TTC23: variants seen among roughly 807,000 people sequenced by gnomAD.
TTC23 encodes tetratricopeptide repeat domain 23, also known as tetratricopeptide repeat protein 23.
Under a neutral mutation model 55.1 loss-of-function variants are expected in TTC23, and 58 were observed. The observed-to-expected ratio is 1.05, with a 90% confidence interval of 0.85 to 1.31. TTC23 has a LOEUF of 1.31. Among genes scored for constraint, TTC23 ranks in the 50% most tolerant of loss-of-function variants. TTC23 has a pLI of 0.00. For missense variants in TTC23, 516 were observed against 534.4 expected (o/e 0.97, Z 0.34); for synonymous variants, 203 against 199.9 (o/e 1.02, Z -0.13).
At chr15:99,218,543 A>G (rs778222518) in intron 8 of TTC23, 45 bp downstream of exon 8, 3 of 1,612,266 alleles carry the variant, frequency 1.9e-6, no homozygotes, top group Middle Eastern at 1.7e-4. Flanking sequence ...ACAGGCAAAG[A>G]GCCTCCCGCC....
At chr15:99,184,407 C>T (rs1432876516) in intron 9 of TTC23, among the ~76,000 whole-genome samples, 5 of 152,212 alleles carry the variant, frequency 3.3e-5, no homozygotes, top group Non-Finnish European at 5.9e-5. Flanking sequence ...GCCACAGGGG[C>T]AGAGCTGCTG....
At chr15:99,184,768 T>G (rs753705427) in intron 9 of TTC23, among the ~76,000 whole-genome samples, 3 of 152,120 alleles carry the variant, frequency 2.0e-5, no homozygotes, top group Non-Finnish European at 4.4e-5. Context: ...ATGACTATGT[T>G]TTGAAATGTG....
chr15:99,146,309 C>T (rs260112), intron 12 of TTC23, among the ~76,000 whole-genome samples: 59,886 of 152,100 alleles, frequency 0.39, 12,923 homozygotes, highest in African/African-American at 0.58. Context: ...ATGCAGACTC[C>T]TAAAGCTGGG....
chr15:99,239,378 T>C (rs1400869771), intron 3 of TTC23, among the ~76,000 whole-genome samples: 2 of 151,944 alleles, frequency 1.3e-5, no homozygotes, highest in Non-Finnish European at 1.5e-5. Context: ...CCAGCTACTC[T>C]GGAGGCTGAG....
chr15:99,155,815 C>A, intron 12 of TTC23: 1 of 360,300 alleles, frequency 2.8e-6, no homozygotes, highest in Admixed American at 4.2e-5. Context: ...AGAAGAATGA[C>A]AATTGAAGAA....
At chr15:99,162,970 CT>C in intron 10 of TTC23, among the ~76,000 whole-genome samples, 1 of 152,134 alleles carries the variant, frequency 6.6e-6, no homozygotes, top group South Asian at 2.1e-4. Context: ...GTTGTCCCAG[CT>C]ACTTGGGAGG....
rs767039613 is a variant in TTC23, at chr15:99,175,081, A to G, written c.834T>C (p.Ala278=). 2.5e-6 allele frequency: 4 copies of G among 1,614,096 alleles called. No homozygotes were observed. In the Admixed American group the frequency reaches 5.0e-5, roughly 20 times the overall value. ...GCTCGTGTCTCCCTGAAGCGACAGC[A>G]GCATGGGCGACGATGTGTGCCGAGT... ...AADSAHIVAH[A]AVASGRHEHH... is the part of the protein sequence containing the mutation. The change falls in exon 10 of 14, where the codon GCT becomes GCC. Residue 278 remains alanine, a synonymous_variant. Coordinates refer to ENST00000394132, the MANE Select transcript of TTC23 (RefSeq NM_001288615.3).
chr15:99,146,166 G>T (rs2068836168), intron 12 of TTC23, among the ~76,000 whole-genome samples: 1 of 152,226 alleles, frequency 6.6e-6, no homozygotes, highest in South Asian at 2.1e-4. Flanking sequence ...GAAAATAAAT[G>T]CATTGGCAGG....
chr15:99,146,528 C>G (rs368597233), intron 12 of TTC23, among the ~76,000 whole-genome samples: 1 of 152,206 alleles, frequency 6.6e-6, no homozygotes, highest in East Asian at 1.9e-4. Flanking sequence ...CTGTTTCCAG[C>G]GAAGCTCCGA....
At chr15:99,193,493 C>T (rs2075420511) in intron 9 of TTC23, among the ~76,000 whole-genome samples, 1 of 152,140 alleles carries the variant, frequency 6.6e-6, no homozygotes, top group Admixed American at 6.5e-5. Flanking sequence ...TGCTGCCATC[C>T]ACATATGACA....
At chr15:99,191,012 T>TG (rs1339503358) in intron 9 of TTC23, among the ~76,000 whole-genome samples, 1 of 152,164 alleles carries the variant, frequency 6.6e-6, no homozygotes, top group Non-Finnish European at 1.5e-5. Context: ...CTTGAACTTC[T>TG]GAGCTCAAGC....
chr15:99,198,509 T>G (rs1273700016), intron 9 of TTC23, among the ~76,000 whole-genome samples: 1 of 152,192 alleles, frequency 6.6e-6, no homozygotes, highest in Non-Finnish European at 1.5e-5. Context: ...CTCAATAGCT[T>G]CCTAAGTGGT....
intron 8 of TTC23, among the ~76,000 whole-genome samples, chr15:99,211,390 A>C (rs956900229): frequency 6.6e-6 from 1 of 152,114 alleles, no homozygotes; most frequent in African/African-American, 2.4e-5. Flanking sequence ...AAACAAACAA[A>C]AAAAAAGAAG....
At chr15:99,141,136 C>T (rs2068185131) in intron 12 of TTC23, 1 of 152,098 alleles carries the variant, frequency 6.6e-6, no homozygotes, top group African/African-American at 2.4e-5. Flanking sequence ...AGTGGGTATT[C>T]AAACTGGTAT....
chr15:99,180,163 C>G (rs1402347431), intron 9 of TTC23, among the ~76,000 whole-genome samples: 1 of 152,154 alleles, frequency 6.6e-6, no homozygotes, highest in Non-Finnish European at 1.5e-5. Flanking sequence ...CTCCCCAGGG[C>G]TTGCATTTCC....
Position 99,136,987 on chromosome 15 carries a change from T to C in TTC23, c.*1023A>G, listed in dbSNP as rs2067640987. The C allele has an allele frequency of 1.3e-5, 2 of 152,326 alleles. No individual in the cohort carries two copies. The highest frequency in any genetic ancestry group is 3.4e-3 in the Middle Eastern group (1 of 296). The allele number at this position is 152,326 out of a possible 1,614,324, so 9.4% of individuals were successfully genotyped here. On this transcript the variant is annotated 3_prime_UTR_variant, in exon 14 of 14. Transcript: ENST00000394132. The stretch of plus-strand genomic sequence containing the variant: ...GTGGTTTTGATGTCCCACTGGGGGC[T>C]GGAGGGGAGGGCCCTGTGCTGCAAT...
At chr15:99,243,152 T>C (rs921171911) in intron 2 of TTC23, among the ~76,000 whole-genome samples, 3 of 151,620 alleles carry the variant, frequency 2.0e-5, no homozygotes, top group African/African-American at 7.3e-5. Flanking sequence ...CAAAACCCAA[T>C]AGGAAAAAAA....
At chr15:99,216,337 T>C (rs2077472216) in intron 8 of TTC23, among the ~76,000 whole-genome samples, 1 of 152,152 alleles carries the variant, frequency 6.6e-6, no homozygotes, top group Non-Finnish European at 1.5e-5. Flanking sequence ...GATATTTAGC[T>C]GGAAAAGACT....
At chr15:99,181,287 A>T (rs2074090178) in intron 9 of TTC23, among the ~76,000 whole-genome samples, 1 of 152,158 alleles carries the variant, frequency 6.6e-6, no homozygotes, top group Admixed American at 6.5e-5. Flanking sequence ...AGGCTGTCAA[A>T]GAGTAGACTC....
Sources: allele counts gnomAD v4.1 joint callset (sites outside exome capture counted in the v4.1 genomes callset), GRCh38; gene constraint gnomAD v4.1.1; transcripts MANE v1.5; gene names NCBI Gene and HGNC (gene_info 2026-07-23, HGNC 2026-07-21).